The following FGFBP1 variants were observed in gnomAD, a reference collection of about 807,000 sequenced individuals.
The protein encoded by FGFBP1 is fibroblast growth factor binding protein 1, also known as fibroblast growth factor-binding protein 1.
FGFBP1 carries 12 observed loss-of-function variants against 14.6 expected under a neutral mutation model. The ratio of observed to expected loss-of-function variants is 0.82; its 90% CI spans 0.53 to 1.33. FGFBP1 has a LOEUF of 1.33. Ranked by LOEUF, FGFBP1 falls within the 40% of genes most tolerant of loss-of-function variation. The probability of loss-of-function intolerance (pLI) is 0.00; values close to 1 mark genes in which losing one functional copy is unlikely to be tolerated. For synonymous variants in FGFBP1, 117 were observed against 105.0 expected (o/e 1.11, Z -0.70); for missense variants, 317 against 271.8 (o/e 1.17, Z -1.17).
At chr4:15,936,679 G>C (rs1417439222) in intron 2 of FGFBP1, 27 bp from the exon 3 acceptor site, 1 of 1,408,666 alleles carries the variant, frequency 7.1e-7, no homozygotes, top group Non-Finnish European at 9.8e-7. Flanking sequence ...AAGTGAGTCA[G>C]TGGCAGGCAG....
chr4:15,936,386 C>A lies in FGFBP1; in HGVS notation c.247G>T (p.Val83Phe). 4 of 1,614,180 alleles carry A rather than the reference C, an allele frequency of 2.5e-6. No homozygotes were observed. The highest frequency in any genetic ancestry group is 3.4e-6 in the Non-Finnish European group (4 of 1,180,020). ...TCATGGTCCAATTGAGTGCACTCAA[C>A]CTTGAGAGAGATGCCCTCCTCCTGC... is the stretch of plus-strand genomic sequence containing the variant. ...TEQEEGISLK[V>F]ECTQLDHEFS... The change falls in exon 3 of 3, where the codon GTT (valine) becomes TTT (phenylalanine). Residue 83 changes from valine to phenylalanine, a missense_variant. Val to Phe is a conservative substitution (Grantham distance 50). Coordinates refer to ENST00000382333, the MANE Select transcript of FGFBP1 (RefSeq NM_005130.5).
Position 15,937,797 on chromosome 4 carries a change from C to T in FGFBP1, c.-21+454G>A, listed in dbSNP as rs9884382. 4.3e-3 allele frequency among the ~76,000 whole-genome samples: 659 copies of T among 152,274 alleles called. 5 individuals are homozygous for T. Among genetic ancestry groups the T allele is most frequent in the African/African-American group, 0.015 (638 of 41,546 alleles). On this transcript the variant is annotated intron_variant, in intron 2 of 2. Transcript: ENST00000382333. ...AATCTCCTTATTCCTTTCTGTCACC[C>T]CTGGTTGATCACTTTTTGCTTTTCA...
chr4:15,937,310 G>T (rs1205114604), intron 2 of FGFBP1, among the ~76,000 whole-genome samples: 7 of 150,262 alleles, frequency 4.7e-5, no homozygotes, highest in African/African-American at 1.7e-4. Flanking sequence ...GGGTGGGGTT[G>T]TGGGGGTGGG....
At position 15,936,100 on chromosome 4, in the gene FGFBP1, T is replaced by A. The variant is rs527535404; in HGVS notation, c.533A>T (p.Glu178Val). Residue 178 changes from glutamate to valine, a missense_variant, in exon 3 of 3, where the codon GAG becomes GTG. Coordinates refer to ENST00000382333, the MANE Select transcript of FGFBP1 (RefSeq NM_005130.5). ...CACTGCTAGGCTAGAGGGGGTGGTCTCTTTGCCTTTGATGTGCTCCCTGGG... is the reference window on the plus strand; with the variant it reads ...CACTGCTAGGCTAGAGGGGGTGGTCACTTTGCCTTTGATGTGCTCCCTGGG... ...MSPREHIKGK[E>V]TTPSSLAVTQ... 1.2e-4 allele frequency: 186 copies of A among 1,614,094 alleles called. 2 individuals are homozygous for A. In the South Asian group the frequency reaches 2.0e-3, roughly 17 times the overall value.
intron 2 of FGFBP1, 42 bp from the exon 3 acceptor site, chr4:15,936,694 T>G: frequency 1.5e-6 from 2 of 1,299,568 alleles, no homozygotes; most frequent in Non-Finnish European, 2.2e-6. Context: ...AGGCAGCAGT[T>G]CAGCTGTGCA....
Position 15,936,406 on chromosome 4 carries a change from T to G in FGFBP1, c.227A>C (p.Glu76Ala). The change falls in exon 3 of 3, where the codon GAG becomes GCG. Residue 76 changes from glutamate to alanine, a missense_variant. Glu to Ala is a moderately radical substitution (Grantham distance 107). Coordinates refer to ENST00000382333, the MANE Select transcript of FGFBP1 (RefSeq NM_005130.5). ...CTCAACCTTGAGAGAGATGCCCTCC[T>G]CCTGCTCAGTAGCAGCCCATCTGCA... ...ANCRWAATEQ[E>A]EGISLKVECT... The G allele has an allele frequency of 6.2e-7, 1 of 1,614,200 alleles. No individual in the cohort carries two copies. Among genetic ancestry groups the G allele is most frequent in the Non-Finnish European group, 8.5e-7 (1 of 1,180,014 alleles).
rs775689425 is a variant in FGFBP1 at position 15,936,649 on chromosome 4, T to C, written c.-17A>G. On this transcript the variant is annotated 5_prime_UTR_variant, in exon 3 of 3. Transcript: ENST00000382333. Reference sequence around the variant, plus strand: ...GATCTTCATGGCTGCAGCTGGGCGTTCACCTGTTTGACAAAAGGCAAGTGA... The same window carrying C: ...GATCTTCATGGCTGCAGCTGGGCGTCCACCTGTTTGACAAAAGGCAAGTGA... 2.5e-6 allele frequency: 4 copies of C among 1,579,542 alleles called. No homozygotes were observed. The South Asian group carries it at 3.4e-5, about 14-fold the overall frequency.
In FGFBP1 at chr4:15,936,641, C is replaced by T. The variant is rs201919686; in HGVS notation, c.-9G>A. The T allele has an allele frequency of 6.3e-7, 1 of 1,591,872 alleles. No homozygotes were observed. Among genetic ancestry groups the T allele is most frequent in the African/African-American group, 1.3e-5 (1 of 74,638 alleles). On this transcript the variant is annotated 5_prime_UTR_variant, in exon 3 of 3. Transcript: ENST00000382333. ...AGGCTACAGATCTTCATGGCTGCAG[C>T]TGGGCGTTCACCTGTTTGACAAAAG...
chr4:15,935,986 T>C lies in FGFBP1; in HGVS notation c.647A>G (p.Glu216Gly), dbSNP rs756933637. ...GAATGTGCAGAGAGAGCTCCAAGTCTCTCCACAGAACTCCAGGGCAGTCTT... is the reference window on the plus strand; with the variant it reads ...GAATGTGCAGAGAGAGCTCCAAGTCCCTCCACAGAACTCCAGGGCAGTCTT... ...QRKTALEFCG[E>G]TWSSLCTFFL... The change falls in exon 3 of 3, where the codon GAG becomes GGG. Residue 216 changes from glutamate to glycine, a missense_variant. Glu to Gly is a moderately conservative substitution (Grantham distance 98). Coordinates refer to ENST00000382333, the MANE Select transcript of FGFBP1 (RefSeq NM_005130.5). 8 of 1,613,930 alleles carry C rather than the reference T, an allele frequency of 5.0e-6. No homozygotes were observed. The highest frequency in any genetic ancestry group is 5.9e-6 in the Non-Finnish European group (7 of 1,179,948).
intron 2 of FGFBP1, among the ~76,000 whole-genome samples, chr4:15,937,593 T>C (rs749011918): frequency 2.6e-5 from 4 of 152,198 alleles, no homozygotes; most frequent in Non-Finnish European, 5.9e-5. Context: ...ACCTCCTGTG[T>C]GCTAAGTACT....
rs756010875 is a variant in FGFBP1, at chr4:15,936,528, C to A, written c.105G>T (p.Val35=). 2 of 1,613,984 alleles carry A rather than the reference C, an allele frequency of 1.2e-6. No individual in the cohort carries two copies. The highest frequency in any genetic ancestry group is 8.5e-7 in the Non-Finnish European group (1 of 1,180,036). Residue 35 remains valine, a synonymous_variant, in exon 3 of 3, where the codon GTG becomes GTT. Coordinates refer to ENST00000382333, the MANE Select transcript of FGFBP1 (RefSeq NM_005130.5). The part of the protein sequence containing the change: ...KKVKNGLHSK[V]VSEQKDTLGN... The stretch of plus-strand genomic sequence containing the variant: ...CCAGAGTGTCCTTTTGTTCTGAGAC[C>A]ACTTTGCTGTGAAGTCCATTCTTCA...
In FGFBP1 at chr4:15,938,386, C is replaced by G. The variant is rs1299287604; in HGVS notation, c.-156G>C. ...GCTGACTGGGTTTTTATAACACTCA[C>G]TGGGTTTTTACAACACTGTGGCACG... On this transcript the variant is annotated 5_prime_UTR_variant, in exon 2 of 3. Coordinates refer to ENST00000382333, the MANE Select transcript of FGFBP1 (RefSeq NM_005130.5). The G allele has an allele frequency of 6.6e-6, 1 of 152,372 alleles. No individual in the cohort carries two copies. Among genetic ancestry groups the G allele is most frequent in the African/African-American group, 2.4e-5 (1 of 41,454 alleles). The allele number at this position is 152,372 out of a possible 1,614,324, so 9.4% of individuals were successfully genotyped here.
rs748189141 is a variant in FGFBP1 at position 15,936,553 on chromosome 4, A to T, written c.80T>A (p.Val27Glu). Residue 27 changes from valine (V) to glutamate (E), a missense_variant, in exon 3 of 3, where the codon GTG (valine) becomes GAG (glutamate). By Grantham distance (121) the Val-to-Glu change is moderately radical. Transcript: ENST00000382333. Reference protein sequence around the residue: ...QVLLVEGKKKVKNGLHSKVVS... With the variant: ...QVLLVEGKKKEKNGLHSKVVS... ...CACTTTGCTGTGAAGTCCATTCTTC[A>T]CTTTTTTTTTCCCCTCCACCAGGAG... is the stretch of plus-strand genomic sequence containing the variant. 5 of 1,612,020 alleles carry T rather than the reference A, an allele frequency of 3.1e-6. No individual in the cohort carries two copies. The highest frequency in any genetic ancestry group is 4.2e-6 in the Non-Finnish European group (5 of 1,179,300).
Position 15,936,504 on chromosome 4 carries a change from CAG to C in FGFBP1, c.127_128del (p.Leu43GlyfsTer6). 6.2e-7 allele frequency: 1 copy of C among 1,614,184 alleles called. No homozygotes were observed. On this transcript the variant is annotated frameshift_variant, in exon 3 of 3. Transcript: ENST00000382333. LOFTEE classifies it high-confidence loss of function. ...SKVVSEQKDT[L>X]GNTQIKQKSR... is the part of the protein sequence containing the mutation. ...TTTTCTGCTTAATCTGGGTGTTGCC[CAG>C]AGTGTCCTTTTGTTCTGAGACCACT...
In FGFBP1 at chr4:15,936,542, G is replaced by A. The variant is rs749029048; in HGVS notation, c.91C>T (p.Leu31Phe). The A allele has an allele frequency of 1.2e-6, 2 of 1,613,988 alleles. No homozygotes were observed. The highest frequency in any genetic ancestry group is 1.7e-5 in the Admixed American group (1 of 60,024). Residue 31 changes from leucine to phenylalanine, a missense_variant, in exon 3 of 3, where the codon CTT (leucine) becomes TTT (phenylalanine). Transcript: ENST00000382333. ...VEGKKKVKNGLHSKVVSEQKD... is the reference protein window; with the variant it reads ...VEGKKKVKNGFHSKVVSEQKD... The stretch of plus-strand genomic sequence containing the variant: ...TGTTCTGAGACCACTTTGCTGTGAA[G>A]TCCATTCTTCACTTTTTTTTTCCCC...
chr4:15,936,646 C>T lies in FGFBP1; in HGVS notation c.-14G>A, dbSNP rs574131145. ...ACAGATCTTCATGGCTGCAGCTGGGCGTTCACCTGTTTGACAAAAGGCAAG... is the reference window on the plus strand; with the variant it reads ...ACAGATCTTCATGGCTGCAGCTGGGTGTTCACCTGTTTGACAAAAGGCAAG... On this transcript the variant is annotated 5_prime_UTR_variant, in exon 3 of 3. Coordinates refer to ENST00000382333, the MANE Select transcript of FGFBP1 (RefSeq NM_005130.5). 6.3e-6 allele frequency: 10 copies of T among 1,582,160 alleles called. No individual in the cohort carries two copies. Among genetic ancestry groups the T allele is most frequent in the Admixed American group, 5.1e-5 (3 of 58,388 alleles).
Position 15,936,096 on chromosome 4 carries a change from G to T in FGFBP1, c.537C>A (p.Thr179=), listed in dbSNP as rs753981382. The stretch of plus-strand genomic sequence containing the variant: ...GGGTCACTGCTAGGCTAGAGGGGGT[G>T]GTCTCTTTGCCTTTGATGTGCTCCC... ...SPREHIKGKE[T]TPSSLAVTQT... The change falls in exon 3 of 3, where the codon ACC becomes ACA. Residue 179 remains threonine, a synonymous_variant. Coordinates refer to ENST00000382333, the MANE Select transcript of FGFBP1 (RefSeq NM_005130.5). The T allele has an allele frequency of 6.2e-6, 10 of 1,613,902 alleles. No homozygotes were observed. Among genetic ancestry groups the T allele is most frequent in the Non-Finnish European group, 8.5e-6 (10 of 1,179,978 alleles).
Position 15,935,917 on chromosome 4 carries a change from T to C in FGFBP1, c.*11A>G, listed in dbSNP as rs745946392. The stretch of plus-strand genomic sequence containing the variant: ...ACATCTCTTAAGGGAACCCGTTCTC[T>C]TTTGACCTCATTAGCATGACGTGTC... On this transcript the variant is annotated 3_prime_UTR_variant, in exon 3 of 3. Transcript: ENST00000382333. 2 of 1,559,148 alleles carry C rather than the reference T, an allele frequency of 1.3e-6. No individual in the cohort carries two copies. The highest frequency in any genetic ancestry group is 1.7e-6 in the Non-Finnish European group (2 of 1,147,272).
chr4:15,936,422 C>A lies in FGFBP1; in HGVS notation c.211G>T (p.Ala71Ser), dbSNP rs752466470. The change falls in exon 3 of 3, where the codon GCT (alanine) becomes TCT (serine). Residue 71 changes from alanine (A) to serine (S), a missense_variant. Ala to Ser is a moderately conservative substitution (Grantham distance 99). Transcript: ENST00000382333. Reference sequence around the variant, plus strand: ...ATGCCCTCCTCCTGCTCAGTAGCAGCCCATCTGCAGTTGGCTTGGTCTTTG... The same window carrying A: ...ATGCCCTCCTCCTGCTCAGTAGCAGACCATCTGCAGTTGGCTTGGTCTTTG... ...VTKDQANCRW[A>S]ATEQEEGISL... 7 of 1,614,092 alleles carry A rather than the reference C, an allele frequency of 4.3e-6. No individual in the cohort carries two copies. The Admixed American group carries it at 1.0e-4, about 23-fold the overall frequency.
Sources: gnomAD v4.1 joint callset for allele counts (sites outside exome capture counted in the v4.1 genomes callset) on GRCh38, gnomAD v4.1.1 for gene constraint, MANE v1.5 for transcripts, NCBI Gene and HGNC (gene_info 2026-07-23, HGNC 2026-07-21) for gene names.